The following TLL1 variants were observed in gnomAD, a reference collection of about 807,000 sequenced individuals.
The protein encoded by TLL1 is tolloid like 1.
In TLL1, 49 loss-of-function variants were observed where a neutral mutation model predicts 128.2. That is an observed-to-expected ratio of 0.38 (90% CI 0.30 to 0.48). TLL1 has a LOEUF of 0.48. TLL1 is among the 20% of genes least tolerant of loss of function. The pLI is 0.96. For synonymous variants in TLL1, 454 were observed against 418.8 expected (o/e 1.08, Z -1.03); for missense variants, 1,123 against 1,242.0 (o/e 0.90, Z 1.44).
rs1044792739 is a variant in TLL1 at position 166,061,103 on chromosome 4, A to G, written c.2007+915A>G. On this transcript the variant is annotated intron_variant, in intron 15 of 20. Coordinates refer to ENST00000061240, the MANE Select transcript of TLL1 (RefSeq NM_012464.5). ...GACACTTTTGTCTCTGATGTATATC[A>G]GAGAACGGAAATGTAATGTATCTGT... 5.3e-5 allele frequency among the ~76,000 whole-genome samples: 8 copies of G among 152,296 alleles called. 1 individual carries two copies. In the South Asian group the frequency reaches 1.5e-3, roughly 28 times the overall value.
At chr4:166,097,489 G>A (rs1306901658) in intron 19 of TLL1, among the ~76,000 whole-genome samples, 7 of 152,052 alleles carry the variant, frequency 4.6e-5, no homozygotes, top group Non-Finnish European at 1.0e-4. Flanking sequence ...TCTTGTGATT[G>A]GAACCCTAGC....
chr4:166,041,308 T>C (rs866279779), intron 10 of TLL1, among the ~76,000 whole-genome samples: 16 of 150,938 alleles, frequency 1.1e-4, no homozygotes, highest in South Asian at 4.2e-4. Flanking sequence ...TTCTTTCTTT[T>C]TTTTTTTTTT....
At chr4:166,044,373 C>T in intron 12 of TLL1, 2 of 1,535,452 alleles carry the variant, frequency 1.3e-6, no homozygotes, top group South Asian at 1.2e-5. Flanking sequence ...AGCAGGAGCA[C>T]CAGGAGAATC....
rs765753684 is a variant in TLL1 at position 166,104,270 on chromosome 4, C to T, written c.*3394C>T. On this transcript the variant is annotated 3_prime_UTR_variant, in exon 21 of 21. Transcript: ENST00000061240. ...TTTTAAAAGAAACATTAAATTATAT[C>T]TTTATGTAGATTTAGAAGGACTGCA... Among the ~76,000 whole-genome samples the T allele has an allele frequency of 9.2e-5, 14 of 151,766 alleles. No individual in the cohort carries two copies. Among genetic ancestry groups the T allele is most frequent in the Non-Finnish European group, 1.3e-4 (9 of 67,886 alleles).
At chr4:165,886,630 A>G (rs1731173390) in intron 1 of TLL1, among the ~76,000 whole-genome samples, 1 of 152,216 alleles carries the variant, frequency 6.6e-6, no homozygotes. Context: ...ATGGCATAGT[A>G]TTTGAATATA....
At chr4:165,978,172 C>T (rs948527743) in intron 1 of TLL1, among the ~76,000 whole-genome samples, 3 of 152,002 alleles carry the variant, frequency 2.0e-5, no homozygotes, top group African/African-American at 7.2e-5. Flanking sequence ...CTGCCTCAAC[C>T]CTGAAATCAT....
intron 8 of TLL1, among the ~76,000 whole-genome samples, chr4:166,018,443 A>G (rs1738055405): frequency 6.6e-6 from 1 of 152,148 alleles, no homozygotes; most frequent in South Asian, 2.1e-4. Flanking sequence ...CAAAAATAAA[A>G]ATTGACAAGT....
intron 1 of TLL1, among the ~76,000 whole-genome samples, chr4:165,956,499 C>G (rs931705414): frequency 2.0e-5 from 3 of 151,658 alleles, no homozygotes; most frequent in African/African-American, 7.3e-5. Flanking sequence ...CTCCTACTTG[C>G]ACGTCCATTT....
intron 1 of TLL1, among the ~76,000 whole-genome samples, chr4:165,959,593 A>G (rs561483712): frequency 6.6e-6 from 1 of 152,246 alleles, no homozygotes; most frequent in Non-Finnish European, 1.5e-5. Context: ...ATGCTTGGCC[A>G]TAAAACAAGT....
intron 1 of TLL1, among the ~76,000 whole-genome samples, chr4:165,971,991 A>G (rs549836165): frequency 3.3e-5 from 5 of 152,296 alleles, no homozygotes; most frequent in South Asian, 2.1e-4. Context: ...TAGCCTACGT[A>G]TAAGTAGAAC....
chr4:166,045,252 G>A (rs1739411973), intron 12 of TLL1, among the ~76,000 whole-genome samples: 1 of 151,726 alleles, frequency 6.6e-6, no homozygotes, highest in Non-Finnish European at 1.5e-5. Context: ...TTGATATCTG[G>A]TAGATCTCTT....
chr4:165,963,501 G>A (rs1735219438), intron 1 of TLL1, among the ~76,000 whole-genome samples: 2 of 151,996 alleles, frequency 1.3e-5, no homozygotes. Flanking sequence ...TCTTTATCAG[G>A]TAAGTGGGGG....
At chr4:166,007,083 A>T (rs867826856) in intron 6 of TLL1, among the ~76,000 whole-genome samples, 2 of 151,708 alleles carry the variant, frequency 1.3e-5, no homozygotes, top group African/African-American at 4.8e-5. Context: ...TTTTTGTTAC[A>T]TAAGTGATAT....
intron 8 of TLL1, among the ~76,000 whole-genome samples, chr4:166,015,779 C>A (rs1243939126): frequency 6.6e-6 from 1 of 151,610 alleles, no homozygotes; most frequent in Non-Finnish European, 1.5e-5. Flanking sequence ...CCAGTGGATT[C>A]TGTTGACATT....
intron 3 of TLL1, among the ~76,000 whole-genome samples, chr4:165,993,504 G>C (rs1736733579): frequency 1.3e-5 from 2 of 151,992 alleles, no homozygotes; most frequent in South Asian, 4.1e-4. Flanking sequence ...TTAAATGCTT[G>C]AAGTACATAT....
chr4:165,890,235 T>C (rs1731337910), intron 1 of TLL1, among the ~76,000 whole-genome samples: 1 of 152,176 alleles, frequency 6.6e-6, no homozygotes. Flanking sequence ...AGAACTACAA[T>C]TCAAGATGAG....
chr4:166,071,640 C>G (rs1056960790), intron 16 of TLL1, among the ~76,000 whole-genome samples: 2 of 151,942 alleles, frequency 1.3e-5, no homozygotes, highest in African/African-American at 2.4e-5. Context: ...TCCCTTTTCT[C>G]TTTCCTTGGA....
intron 1 of TLL1, among the ~76,000 whole-genome samples, chr4:165,891,871 C>A (rs1252898566): frequency 1.3e-5 from 2 of 152,166 alleles, no homozygotes; most frequent in African/African-American, 4.8e-5. Context: ...TCCACATTTC[C>A]AGGTATCTTT....
intron 19 of TLL1, among the ~76,000 whole-genome samples, chr4:166,097,006 A>G (rs1349357294): frequency 6.6e-6 from 1 of 152,106 alleles, no homozygotes; most frequent in Non-Finnish European, 1.5e-5. Context: ...TAATAATGGT[A>G]GCTTAAATTT....
Sources: allele counts gnomAD v4.1 joint callset (sites outside exome capture counted in the v4.1 genomes callset), GRCh38; gene constraint gnomAD v4.1.1; transcripts MANE v1.5; gene names NCBI Gene and HGNC (gene_info 2026-07-23, HGNC 2026-07-21).